Variants in CHCHD3 observed in about 807,000 individuals in gnomAD.
CHCHD3 encodes MICOS complex subunit MIC19.
Under a neutral mutation model 38.2 loss-of-function variants are expected in CHCHD3, and 20 were observed. That is an observed-to-expected ratio of 0.52 (90% CI 0.37 to 0.76). The LOEUF (loss-of-function observed/expected upper bound fraction) is 0.76. Ranked by LOEUF, CHCHD3 falls within the 30% of genes least tolerant of loss-of-function variation. The probability of loss-of-function intolerance (pLI) is 0.00; values close to 1 mark genes in which losing one functional copy is unlikely to be tolerated. For synonymous variants in CHCHD3, 82 were observed against 100.0 expected (o/e 0.82, Z 1.07); for missense variants, 245 against 279.2 (o/e 0.88, Z 0.87).
At chr7:133,003,458 C>A (rs1341999239) in intron 3 of CHCHD3, among the ~76,000 whole-genome samples, 1 of 152,174 alleles carries the variant, frequency 6.6e-6, no homozygotes, top group Non-Finnish European at 1.5e-5. Context: ...ATGCCACAAT[C>A]AAGCCTTTAT....
intron 5 of CHCHD3, among the ~76,000 whole-genome samples, chr7:132,854,252 AC>A (rs1245586984): frequency 6.6e-6 from 1 of 152,240 alleles, no homozygotes; most frequent in African/African-American, 2.4e-5. Flanking sequence ...AAAATGAAAA[AC>A]AAGTATTTAG....
chr7:132,983,980 C>G (rs1284270938), intron 3 of CHCHD3, among the ~76,000 whole-genome samples: 2 of 145,764 alleles, frequency 1.4e-5, no homozygotes, highest in Non-Finnish European at 3.0e-5. Context: ...CTCTCCCTCT[C>G]CCTCCTCTCC....
chr7:132,891,389 T>G (rs944501719), intron 4 of CHCHD3, among the ~76,000 whole-genome samples: 1 of 152,206 alleles, frequency 6.6e-6, no homozygotes, highest in African/African-American at 2.4e-5. Flanking sequence ...CAGCTGGAAA[T>G]GTTAAACTGC....
At chr7:132,870,691 C>A (rs1352563205) in intron 5 of CHCHD3, among the ~76,000 whole-genome samples, 2 of 152,116 alleles carry the variant, frequency 1.3e-5, no homozygotes, top group African/African-American at 4.8e-5. Context: ...GAATCCATAT[C>A]CACTTGTCTA....
At chr7:132,966,873 C>T (rs996295479) in intron 4 of CHCHD3, among the ~76,000 whole-genome samples, 1 of 152,150 alleles carries the variant, frequency 6.6e-6, no homozygotes, top group Non-Finnish European at 1.5e-5. Context: ...TATTTCTTAG[C>T]CTCTTTAGTA....
intron 4 of CHCHD3, among the ~76,000 whole-genome samples, chr7:132,890,905 A>G (rs934514341): frequency 6.6e-6 from 1 of 152,240 alleles, no homozygotes; most frequent in African/African-American, 2.4e-5. Context: ...TACAACTCAC[A>G]TAGGCAGATG....
intron 5 of CHCHD3, among the ~76,000 whole-genome samples, chr7:132,863,246 A>G (rs988564238): frequency 2.0e-5 from 3 of 152,246 alleles, no homozygotes; most frequent in Non-Finnish European, 4.4e-5. Flanking sequence ...CACAGGCTGT[A>G]GAATGGACAT....
chr7:132,852,799 C>T (rs1808250398), intron 5 of CHCHD3, among the ~76,000 whole-genome samples: 1 of 152,156 alleles, frequency 6.6e-6, no homozygotes, highest in Middle Eastern at 3.2e-3. Flanking sequence ...GAGGCCAAGA[C>T]AAAGTTTGCC....
At chr7:132,981,467 A>G (rs182551416) in intron 3 of CHCHD3, among the ~76,000 whole-genome samples, 2 of 152,342 alleles carry the variant, frequency 1.3e-5, no homozygotes, top group East Asian at 3.9e-4. Flanking sequence ...GTGGTCATGT[A>G]AGGACAGTTT....
chr7:132,930,067 T>A (rs1810479017), intron 4 of CHCHD3, among the ~76,000 whole-genome samples: 1 of 152,094 alleles, frequency 6.6e-6, no homozygotes, highest in African/African-American at 2.4e-5. Flanking sequence ...GTGACAGAAA[T>A]CTTAAACAGA....
chr7:132,931,742 T>C (rs1347778250), intron 4 of CHCHD3, among the ~76,000 whole-genome samples: 4 of 152,196 alleles, frequency 2.6e-5, no homozygotes, highest in African/African-American at 9.7e-5. Flanking sequence ...ATTAACTATC[T>C]ACACTCTGAC....
chr7:132,838,017 T>C (rs547033352), intron 6 of CHCHD3, among the ~76,000 whole-genome samples: 1 of 152,172 alleles, frequency 6.6e-6, no homozygotes, highest in South Asian at 2.1e-4. Context: ...ATACCCAAAT[T>C]TGGACATGCC....
intron 4 of CHCHD3, among the ~76,000 whole-genome samples, chr7:132,908,411 T>C (rs1809851380): frequency 6.6e-6 from 1 of 152,212 alleles, no homozygotes; most frequent in South Asian, 2.1e-4. Flanking sequence ...AATTTTTAAA[T>C]GTCTTAATTT....
chr7:132,815,661 G>A (rs1807183075), intron 6 of CHCHD3: 2 of 451,162 alleles, frequency 4.4e-6, no homozygotes, highest in South Asian at 1.6e-5. Context: ...AAAGAGAACA[G>A]AGAAAAGATA....
intron 4 of CHCHD3, among the ~76,000 whole-genome samples, chr7:132,890,971 G>A (rs1340492990): frequency 6.6e-6 from 1 of 152,136 alleles, no homozygotes; most frequent in Non-Finnish European, 1.5e-5. Context: ...CATATGAGGT[G>A]CAATATATAC....
In CHCHD3 at chr7:132,811,680, G is replaced by C. The variant is rs533839933; in HGVS notation, c.525-15103C>G. On this transcript the variant is annotated intron_variant, in intron 6 of 7. Coordinates refer to ENST00000262570, the MANE Select transcript of CHCHD3 (RefSeq NM_017812.4). ...GTAGACATCTTATAGGACCCGATCA[G>C]CACAGACTTGTTCCAGTAAATTGCC... Among the ~76,000 whole-genome samples, 3 of 152,326 alleles carry C rather than the reference G, an allele frequency of 2.0e-5. No homozygotes were observed. In the South Asian group the frequency reaches 6.2e-4, roughly 32 times the overall value.
At chr7:132,970,533 A>G (rs1015951077) in intron 4 of CHCHD3, among the ~76,000 whole-genome samples, 13 of 152,244 alleles carry the variant, frequency 8.5e-5, no homozygotes, top group African/African-American at 2.9e-4. Context: ...GACTATAAGT[A>G]GCATGGCTCT....
intron 5 of CHCHD3, among the ~76,000 whole-genome samples, chr7:132,877,152 C>T (rs1325767487): frequency 2.0e-5 from 3 of 152,126 alleles, no homozygotes; most frequent in African/African-American, 4.8e-5. Context: ...CCTGGATGCA[C>T]TTTTAACAGC....
intron 4 of CHCHD3, among the ~76,000 whole-genome samples, chr7:132,936,303 T>C (rs899378249): frequency 1.3e-5 from 2 of 152,266 alleles, no homozygotes; most frequent in African/African-American, 4.8e-5. Flanking sequence ...CATTTTCAAG[T>C]GAGCAAAAGA....
Sources: gnomAD v4.1 joint callset for allele counts (sites outside exome capture counted in the v4.1 genomes callset) on GRCh38, gnomAD v4.1.1 for gene constraint, MANE v1.5 for transcripts, NCBI Gene and HGNC (gene_info 2026-07-23, HGNC 2026-07-21) for gene names.